C20orf96: variants seen among roughly 807,000 people sequenced by gnomAD.
C20orf96 encodes the protein uncharacterized protein C20orf96.
In C20orf96, 57 loss-of-function variants were observed where a neutral mutation model predicts 52.6. The ratio of observed to expected loss-of-function variants is 1.08; its 90% CI spans 0.88 to 1.35. The LOEUF is 1.35. C20orf96 is among the 40% of genes most tolerant of loss of function. The pLI, the probability that C20orf96 is intolerant of heterozygous loss-of-function variation, is 0.00. For missense variants in C20orf96, 478 were observed against 443.6 expected (o/e 1.08, Z -0.70); for synonymous variants, 168 against 157.2 (o/e 1.07, Z -0.51).
chr20:278,233 GAGGGTTTCTGAATGGCAAGTAC>G (rs2012092871), intron 6 of C20orf96, 75 bp downstream of exon 6: 1 of 886,860 alleles, frequency 1.1e-6, no homozygotes, highest in African/African-American at 1.6e-5. Flanking sequence ...CAATGGGGCT[GAGGGTTTCTGAATGGCAAGTAC>G]AAGGTGAATG....
chr20:284,535 C>CTAA (rs1410898406), intron 3 of C20orf96, among the ~76,000 whole-genome samples: 1 of 152,248 alleles, frequency 6.6e-6, no homozygotes, highest in Non-Finnish European at 1.5e-5. Context: ...AGAGCAAGAA[C>CTAA]TAATGAGCCA....
At chr20:275,555 G>T (rs1473139328) in intron 10 of C20orf96, among the ~76,000 whole-genome samples, 1 of 152,180 alleles carries the variant, frequency 6.6e-6, no homozygotes, top group Non-Finnish European at 1.5e-5. Flanking sequence ...TTGGTTTCTG[G>T]GGCCCAGAAA....
At chr20:273,110 G>A (rs1167033821) in intron 10 of C20orf96, among the ~76,000 whole-genome samples, 1 of 152,166 alleles carries the variant, frequency 6.6e-6, no homozygotes, top group Non-Finnish European at 1.5e-5. Context: ...CTGCAGCTGG[G>A]ACTACAGGCG....
At chr20:272,200 T>TTAA (rs370994423) in intron 10 of C20orf96, among the ~76,000 whole-genome samples, 1 of 148,092 alleles carries the variant, frequency 6.8e-6, no homozygotes, top group African/African-American at 2.5e-5. Flanking sequence ...ATAATAATAG[T>TTAA]AAAAAAAAAA....
At chr20:273,250 C>T (rs2011898295) in intron 10 of C20orf96, among the ~76,000 whole-genome samples, 2 of 152,216 alleles carry the variant, frequency 1.3e-5, no homozygotes, top group South Asian at 2.1e-4. Flanking sequence ...GCTGAGATTA[C>T]AGGCATGAGC....
At chr20:273,915 G>A (rs554210854) in intron 10 of C20orf96, among the ~76,000 whole-genome samples, 26 of 83,412 alleles carry the variant, frequency 3.1e-4, no homozygotes, top group African/African-American at 1.2e-3. Context: ...GGGAGGGAGG[G>A]AGGGAGGGAG....
rs776174054 is a variant in C20orf96, at chr20:278,440, G to A, written c.466-11C>T. The A allele has an allele frequency of 1.9e-6, 3 of 1,609,470 alleles. No homozygotes were observed. The highest frequency in any genetic ancestry group is 2.6e-6 in the Non-Finnish European group (3 of 1,175,978). The stretch of plus-strand genomic sequence containing the variant: ...GATGTCGATGATGGTCTGCGGGAGG[G>A]GTGGAGTCAACTCACCCACAGGCTC... On this transcript the variant is annotated splice_polypyrimidine_tract_variant and intron_variant, in intron 5 of 10. Coordinates refer to ENST00000360321, the MANE Select transcript of C20orf96 (RefSeq NM_153269.3).
chr20:283,220 T>C (rs534933693), intron 4 of C20orf96, among the ~76,000 whole-genome samples: 2 of 152,350 alleles, frequency 1.3e-5, no homozygotes, highest in South Asian at 4.1e-4. Flanking sequence ...ATTAATTACC[T>C]ACAATTGTAG....
chr20:278,056 T>C (rs1015605326), intron 6 of C20orf96, among the ~76,000 whole-genome samples: 2 of 152,196 alleles, frequency 1.3e-5, no homozygotes, highest in Non-Finnish European at 2.9e-5. Context: ...ATCTGTAAAA[T>C]GGGAGGACAG....
At chr20:281,137 C>G (rs979434922) in intron 4 of C20orf96, among the ~76,000 whole-genome samples, 4 of 152,190 alleles carry the variant, frequency 2.6e-5, no homozygotes, top group African/African-American at 9.6e-5. Flanking sequence ...GCCCGGGTAA[C>G]ACAGCAAGAA....
intron 5 of C20orf96, 146 bp from the exon 6 acceptor site, chr20:278,575 C>A: frequency 1.5e-6 from 1 of 670,926 alleles, no homozygotes; most frequent in Admixed American, 2.4e-5. Flanking sequence ...CAGTGTCCAC[C>A]CATAGGGTTG....
At chr20:285,717 G>A (rs1448005402) in intron 3 of C20orf96, among the ~76,000 whole-genome samples, 1 of 152,128 alleles carries the variant, frequency 6.6e-6, no homozygotes, top group African/African-American at 2.4e-5. Context: ...GAATAGCTGG[G>A]ATAACAGGTG....
chr20:281,015 G>A (rs1568492354), intron 4 of C20orf96, among the ~76,000 whole-genome samples: 1 of 152,102 alleles, frequency 6.6e-6, no homozygotes, highest in Non-Finnish European at 1.5e-5. Flanking sequence ...AATTCGCTGG[G>A]TGTGGTGGTG....
At position 288,174 on chromosome 20, in the gene C20orf96, CTTTTTTTTTTTTT is replaced by C. The variant is rs1237648367; in HGVS notation, c.187+1372_187+1384del. Reference sequence around the variant, plus strand: ...AAATCATTTCTTTCTTTTTCTTTTTCTTTTTTTTTTTTTTTTTTTTTTTGCCTATGGGTGTCCA... The same window carrying C: ...AAATCATTTCTTTCTTTTTCTTTTTCTTTTTTTTTTGCCTATGGGTGTCCA... On this transcript the variant is annotated intron_variant, in intron 3 of 10. Coordinates refer to ENST00000360321, the MANE Select transcript of C20orf96 (RefSeq NM_153269.3). 4.5e-5 allele frequency among the ~76,000 whole-genome samples: 3 copies of C among 66,040 alleles called. No individual in the cohort carries two copies. In the East Asian group the frequency reaches 1.6e-3, roughly 35 times the overall value. The allele number at this position is 66,040 out of a possible 152,430, so 43.3% of individuals were successfully genotyped here. A position where few individuals can be genotyped will look rare whatever the true frequency, so the allele number is the denominator to read the frequency against.
At position 271,043 on chromosome 20, in the gene C20orf96, AAGGGAGGGAGGG is replaced by A. The variant is rs368225357; in HGVS notation, c.*152_*163del. 3.9e-6 allele frequency: 2 copies of A among 511,664 alleles called. No homozygotes were observed. Among genetic ancestry groups the A allele is most frequent in the Admixed American group, 7.3e-5 (2 of 27,408 alleles). 31.7% of individuals were successfully genotyped at this position (511,664 alleles called of 1,614,324 possible). On this transcript the variant is annotated 3_prime_UTR_variant, in exon 11 of 11. Coordinates refer to ENST00000360321, the MANE Select transcript of C20orf96 (RefSeq NM_153269.3). ...GGAGGAGGGAAGGGAAGGGGGGAAGAAGGGAGGGAGGGAGGGAGGGAAAGAAAGAGGGAGGAA... is the reference window on the plus strand; with the variant it reads ...GGAGGAGGGAAGGGAAGGGGGGAAGAAGGGAGGGAAAGAAAGAGGGAGGAA...
At chr20:290,506 C>A in intron 1 of C20orf96, 85 bp downstream of exon 1, 1 of 1,569,174 alleles carries the variant, frequency 6.4e-7, no homozygotes, top group South Asian at 1.1e-5. Flanking sequence ...GACCTCGAGG[C>A]GAGGGCGGGA....
chr20:274,296 C>T (rs1347339668), intron 10 of C20orf96, among the ~76,000 whole-genome samples: 1 of 152,008 alleles, frequency 6.6e-6, no homozygotes, highest in African/African-American at 2.4e-5. Context: ...CCCTTAAATT[C>T]TGCTTTTGGA....
At chr20:288,174 C>CTTTTTTTTT (rs1237648367) in intron 3 of C20orf96, among the ~76,000 whole-genome samples, 46 of 66,046 alleles carry the variant, frequency 7.0e-4, no homozygotes, top group African/African-American at 8.0e-4. Context: ...TTTTCTTTTT[C>CTTTTTTTTT]TTTTTTTTTT....
At position 278,329 on chromosome 20, in the gene C20orf96, C is replaced by T. The variant is rs149841409; in HGVS notation, c.565+1G>A. 1,697 of 1,611,954 alleles carry T rather than the reference C, an allele frequency of 1.1e-3. 1 individual carries two copies. Among genetic ancestry groups the T allele is most frequent in the Admixed American group, 1.9e-3 (114 of 60,012 alleles). On this transcript the variant is annotated splice_donor_variant, in intron 6 of 10. Transcript: ENST00000360321. LOFTEE classifies it high-confidence loss of function. ...TCAAGGAATTTGCCAGGGATTCTTA[C>T]AGCTCATCTTGCATTTCTTCTTTTC...
Sources: allele counts gnomAD v4.1 joint callset (sites outside exome capture counted in the v4.1 genomes callset), GRCh38; gene constraint gnomAD v4.1.1; transcripts MANE v1.5; gene names NCBI Gene and HGNC (gene_info 2026-07-23, HGNC 2026-07-21).